The following ARHGAP6 variants were observed in gnomAD, a reference collection of about 807,000 sequenced individuals.
The protein encoded by ARHGAP6 is rho GTPase-activating protein 6.
A neutral mutation model predicts 55.7 loss-of-function variants in ARHGAP6; 16 were observed. The ratio of observed to expected loss-of-function variants is 0.29; its 90% confidence interval spans 0.19 to 0.44. ARHGAP6 has a LOEUF of 0.44. Among genes scored for constraint, ARHGAP6 ranks in the 20% least tolerant of loss-of-function variants. ARHGAP6 has a pLI of 1.00. For missense variants in ARHGAP6, 698 were observed against 808.9 expected, an observed-to-expected ratio of 0.86 and a Z score of 1.66; for synonymous variants, 382 against 360.9, an observed-to-expected ratio of 1.06 and a Z score of -0.66.
chrX:11,512,373 TTC>T (rs2050793987), intron 1 of ARHGAP6, among the ~76,000 whole-genome samples: 1 of 111,657 alleles, frequency 9.0e-6, no homozygotes, highest in African/African-American at 3.3e-5. Flanking sequence ...AAGCTTAGTG[TTC>T]TCTCTTTCCA....
At chrX:11,432,606 AAC>A (rs777805782) in intron 1 of ARHGAP6, among the ~76,000 whole-genome samples, 1 of 112,646 alleles carries the variant, frequency 8.9e-6, no homozygotes, top group African/African-American at 3.2e-5. Context: ...ATGAAGACTG[AAC>A]ACAGTTTAGA....
chrX:11,198,784 T>G (rs2046578975), intron 2 of ARHGAP6, among the ~76,000 whole-genome samples: 1 of 112,206 alleles, frequency 8.9e-6, no homozygotes, highest in Admixed American at 9.5e-5. Flanking sequence ...AAATGTTCTG[T>G]CTAAGTAATA....
intron 1 of ARHGAP6, among the ~76,000 whole-genome samples, chrX:11,455,797 T>C (rs2050189172): frequency 8.9e-6 from 1 of 112,191 alleles, no homozygotes; most frequent in African/African-American, 3.2e-5. Context: ...ACTTGGTACC[T>C]GGTACCTATG....
At chrX:11,393,171 T>C (rs1169316583) in intron 1 of ARHGAP6, among the ~76,000 whole-genome samples, 1 of 111,670 alleles carries the variant, frequency 9.0e-6, no homozygotes, top group Non-Finnish European at 1.9e-5. Context: ...AGAGAGTATA[T>C]GATAATGATT....
intron 1 of ARHGAP6, among the ~76,000 whole-genome samples, chrX:11,468,698 C>T (rs773665661): frequency 1.4e-4 from 16 of 112,016 alleles, no homozygotes; most frequent in Non-Finnish European, 3.0e-4. Context: ...TTTTTGCTTT[C>T]CAGTTTGAGA....
At chrX:11,286,445 C>A (rs1462566748) in intron 1 of ARHGAP6, among the ~76,000 whole-genome samples, 1 of 111,456 alleles carries the variant, frequency 9.0e-6, no homozygotes, top group Non-Finnish European at 1.9e-5. Flanking sequence ...AGTTTTGGAA[C>A]TTGGGGTACA....
intron 1 of ARHGAP6, among the ~76,000 whole-genome samples, chrX:11,399,757 T>G (rs1013168661): frequency 2.7e-5 from 3 of 111,827 alleles, no homozygotes; most frequent in Admixed American, 9.5e-5. Context: ...CAAAAACACA[T>G]GTACACACAA....
intron 1 of ARHGAP6, among the ~76,000 whole-genome samples, chrX:11,340,500 C>T (rs967789471): frequency 2.7e-5 from 3 of 111,339 alleles, no homozygotes; most frequent in Admixed American, 9.5e-5. Flanking sequence ...GAGGCCGAGG[C>T]GGGTGGATCA....
chrX:11,357,009 C>A (rs980422519), intron 1 of ARHGAP6, among the ~76,000 whole-genome samples: 4 of 111,402 alleles, frequency 3.6e-5, no homozygotes, highest in Non-Finnish European at 7.5e-5. Flanking sequence ...CTCTTTACCT[C>A]CTTGTTGCTA....
At chrX:11,578,778 C>A (rs1020600321) in intron 1 of ARHGAP6, among the ~76,000 whole-genome samples, 1 of 111,466 alleles carries the variant, frequency 9.0e-6, no homozygotes, top group Non-Finnish European at 1.9e-5. Context: ...TTGGAACCAA[C>A]CCAAATGTCC....
At chrX:11,351,498 C>T in intron 1 of ARHGAP6, 1 of 944,027 alleles carries the variant, frequency 1.1e-6, no homozygotes, top group Non-Finnish European at 1.3e-6. Context: ...CCCTCCATCT[C>T]GTCCTGCTGG....
At chrX:11,571,139 T>C (rs2051510646) in intron 1 of ARHGAP6, among the ~76,000 whole-genome samples, 1 of 112,074 alleles carries the variant, frequency 8.9e-6, no homozygotes, top group Middle Eastern at 4.2e-3. Context: ...TTCTGTTCTC[T>C]ATAAATTACT....
intron 1 of ARHGAP6, among the ~76,000 whole-genome samples, chrX:11,443,651 A>C (rs1361757311): frequency 8.9e-6 from 1 of 112,620 alleles, no homozygotes; most frequent in Non-Finnish European, 1.9e-5. Context: ...ATTTCCTACC[A>C]GGTGCGGTGG....
intron 1 of ARHGAP6, among the ~76,000 whole-genome samples, chrX:11,544,423 C>T (rs1018772556): frequency 9.8e-5 from 11 of 111,967 alleles, no homozygotes; most frequent in Non-Finnish European, 1.9e-4. Flanking sequence ...TTAAACCATG[C>T]CAAAAATCTG....
intron 9 of ARHGAP6, among the ~76,000 whole-genome samples, chrX:11,162,730 T>G (rs983629313): frequency 1.4e-4 from 16 of 112,255 alleles, no homozygotes; most frequent in African/African-American, 5.2e-4. Context: ...TATGTCATGC[T>G]GCAGCACAGT....
At chrX:11,522,855 A>G (rs2050947087) in intron 1 of ARHGAP6, among the ~76,000 whole-genome samples, 1 of 112,085 alleles carries the variant, frequency 8.9e-6, no homozygotes, top group African/African-American at 3.2e-5. Flanking sequence ...AATCAATAGA[A>G]AAACAGGGAA....
chrX:11,146,291 G>A (rs767781500), intron 10 of ARHGAP6, among the ~76,000 whole-genome samples: 13 of 112,463 alleles, frequency 1.2e-4, no homozygotes, highest in African/African-American at 2.9e-4. Flanking sequence ...AAGTCAAGCC[G>A]GCAAAGTGAC....
chrX:11,467,397 G>C (rs1173525814), intron 1 of ARHGAP6, among the ~76,000 whole-genome samples: 2 of 110,225 alleles, frequency 1.8e-5, no homozygotes, highest in African/African-American at 6.6e-5. Context: ...AAACACTCTG[G>C]GTCTCTAAAA....
intron 8 of ARHGAP6, among the ~76,000 whole-genome samples, chrX:11,173,227 A>G (rs1001067743): frequency 4.5e-5 from 5 of 111,903 alleles, no homozygotes; most frequent in African/African-American, 1.6e-4. Context: ...CGGGAAAACG[A>G]GCTTTAAAAC....
Sources: gnomAD v4.1 joint callset for allele counts (sites outside exome capture counted in the v4.1 genomes callset) on GRCh38, gnomAD v4.1.1 for gene constraint, MANE v1.5 for transcripts, NCBI Gene and HGNC (gene_info 2026-07-23, HGNC 2026-07-21) for gene names.